NUS1: variants seen among roughly 807,000 people sequenced by gnomAD.
NUS1 encodes the protein dehydrodolichyl diphosphate synthase complex subunit NUS1.
For missense variants in NUS1, 292 were observed against 382.9 expected, an observed-to-expected ratio of 0.76 and a Z score of 1.98; for synonymous variants, 135 against 155.2, an observed-to-expected ratio of 0.87 and a Z score of 0.97.
At chr6:117,703,570 C>A in intron 3 of NUS1, 35 bp from the exon 4 acceptor site, 1 of 1,386,136 alleles carries the variant, frequency 7.2e-7, no homozygotes. Flanking sequence ...ACATGCAGTG[C>A]ATGTTAAGTT....
At chr6:117,685,195 GA>G (rs1231037372) in intron 1 of NUS1, among the ~76,000 whole-genome samples, 1 of 152,150 alleles carries the variant, frequency 6.6e-6, no homozygotes, top group Non-Finnish European at 1.5e-5. Flanking sequence ...TAGTCTTTCT[GA>G]GGTATAACTT....
chr6:117,687,021 T>C (rs1334829092), intron 1 of NUS1, among the ~76,000 whole-genome samples: 1 of 152,176 alleles, frequency 6.6e-6, no homozygotes, highest in African/African-American at 2.4e-5. Context: ...TAGTGTCTTA[T>C]CTACACTCTT....
chr6:117,705,698 G>C (rs551085102), intron 4 of NUS1, among the ~76,000 whole-genome samples: 1 of 152,148 alleles, frequency 6.6e-6, no homozygotes. Flanking sequence ...AGGAGTAGTG[G>C]CACTATATTG....
chr6:117,694,116 G>T lies in NUS1; in HGVS notation c.627G>T (p.Gln209His), dbSNP rs1279878128. 1.2e-6 allele frequency: 2 copies of T among 1,612,626 alleles called. No homozygotes were observed. The highest frequency in any genetic ancestry group is 2.7e-5 in the African/African-American group (2 of 74,886). ...DIVRAAQDFCQLVAQKQKRPT... is the reference protein window; with the variant it reads ...DIVRAAQDFCHLVAQKQKRPT... ...TAAGAGCTGCTCAGGACTTTTGCCA[G>T]TTAGTAGCCCAGAAGCAAAAGAGAC... The change falls in exon 3 of 5, where the codon CAG becomes CAT. Residue 209 changes from glutamine to histidine, a missense_variant. Gln to His is a conservative substitution (Grantham distance 24). Coordinates refer to ENST00000368494, the MANE Select transcript of NUS1 (RefSeq NM_138459.5).
rs1307827730 is a variant in NUS1 at position 117,680,651 on chromosome 6, GA to G, written c.415+4568del. On this transcript the variant is annotated intron_variant, in intron 1 of 4. Transcript: ENST00000368494. ...TACCTGTATGATACTTCTGCACACT[GA>G]AGTTTAACCCTAACACAGATCAAAG... Among the ~76,000 whole-genome samples, 6 of 152,316 alleles carry G rather than the reference GA, an allele frequency of 3.9e-5. No individual in the cohort carries two copies. In the South Asian group the frequency reaches 1.2e-3, roughly 32 times the overall value.
intron 1 of NUS1, among the ~76,000 whole-genome samples, chr6:117,680,788 C>CCAGA (rs1480951287): frequency 6.6e-6 from 1 of 152,130 alleles, no homozygotes; most frequent in Non-Finnish European, 1.5e-5. Context: ...TTGGAATGAT[C>CCAGA]CAGAATAAGG....
intron 3 of NUS1, among the ~76,000 whole-genome samples, chr6:117,695,540 G>A (rs1439161980): frequency 6.6e-6 from 1 of 152,218 alleles, no homozygotes; most frequent in Non-Finnish European, 1.5e-5. Flanking sequence ...GAGATCCAAA[G>A]ATGACCTTCA....
intron 3 of NUS1, among the ~76,000 whole-genome samples, chr6:117,700,112 C>T (rs1773385541): frequency 6.6e-6 from 1 of 152,104 alleles, no homozygotes; most frequent in Admixed American, 6.6e-5. Flanking sequence ...ACCCTACAAG[C>T]ACAGGCAACC....
intron 1 of NUS1, among the ~76,000 whole-genome samples, chr6:117,689,706 C>T (rs979261546): frequency 2.0e-5 from 3 of 152,022 alleles, no homozygotes; most frequent in East Asian, 1.9e-4. Flanking sequence ...GGACTAAGAG[C>T]GTGTGCCACC....
chr6:117,676,169 G>C, intron 1 of NUS1, 84 bp downstream of exon 1: 1 of 1,538,392 alleles, frequency 6.5e-7, no homozygotes, highest in Non-Finnish European at 8.8e-7. Context: ...CCCATGGCAC[G>C]AGTTGCCGCG....
intron 1 of NUS1, among the ~76,000 whole-genome samples, chr6:117,687,100 C>T (rs76907810): frequency 0.11 from 16,929 of 152,086 alleles, 1,615 homozygotes; most frequent in African/African-American, 0.26. Flanking sequence ...AGATTCTGTT[C>T]CAATAACTGT....
Position 117,710,613 on chromosome 6 carries a change from G to T in NUS1, c.*3598G>T, listed in dbSNP as rs1773561695. ...TTCTACTGTAACAAGTTAATAAAGA[G>T]ATTTTTTAAAAAACTATAAACTAGA... On this transcript the variant is annotated 3_prime_UTR_variant, in exon 5 of 5. Transcript: ENST00000368494. 6.6e-6 allele frequency: 1 copy of T among 151,820 alleles called. No homozygotes were observed. Among genetic ancestry groups the T allele is most frequent in the Non-Finnish European group, 1.5e-5 (1 of 67,918 alleles). The allele number at this position is 151,820 out of a possible 1,614,324, so 9.4% of individuals were successfully genotyped here.
In NUS1 at chr6:117,693,318, G is replaced by A. The variant is rs148169678; in HGVS notation, c.541+151G>A. The A allele has an allele frequency of 1.4e-4, 136 of 963,334 alleles. No individual in the cohort carries two copies. In the African/African-American group the frequency reaches 1.7e-3, roughly 12 times the overall value. The allele number at this position is 963,334 out of a possible 1,614,324, so 59.7% of individuals were successfully genotyped here. ...TTAATCATCAGATTTAGACTTTCTC[G>A]TCTTAATCTTGGTAAAAAGTGAACA... On this transcript the variant is annotated intron_variant, in intron 2 of 4. Coordinates refer to ENST00000368494, the MANE Select transcript of NUS1 (RefSeq NM_138459.5).
At position 117,706,944 on chromosome 6, in the gene NUS1, A is replaced by G; in HGVS notation, c.811A>G (p.Asn271Asp). 1 of 1,612,438 alleles carries G rather than the reference A, an allele frequency of 6.2e-7. No individual in the cohort carries two copies. The highest frequency in any genetic ancestry group is 8.5e-7 in the Non-Finnish European group (1 of 1,178,828). The part of the protein sequence containing the change: ...TEIVSLPSHL[N>D]ISYEDFFSAL... ...TTTCAGCTCTTTGCCTTCCCACCTA[A>G]ACATCAGTTATGAGGACTTTTTCTC... Residue 271 changes from asparagine to aspartate, a missense_variant, in exon 5 of 5, where the codon AAC (asparagine) becomes GAC (aspartate). By Grantham distance (23) the Asn-to-Asp change is conservative (BLOSUM62 1). Transcript: ENST00000368494.
At chr6:117,698,157 G>A (rs1250383462) in intron 3 of NUS1, among the ~76,000 whole-genome samples, 3 of 152,030 alleles carry the variant, frequency 2.0e-5, no homozygotes, top group African/African-American at 7.2e-5. Context: ...CAGCAAAGCA[G>A]TACTAACAGG....
chr6:117,692,933 G>T, intron 1 of NUS1, 109 bp from the exon 2 acceptor site: 2 of 881,340 alleles, frequency 2.3e-6, no homozygotes, highest in Non-Finnish European at 3.5e-6. Flanking sequence ...TTACAGCTTT[G>T]TTTGACATTC....
intron 3 of NUS1, among the ~76,000 whole-genome samples, chr6:117,695,374 C>G (rs1029738664): frequency 1.6e-4 from 24 of 152,114 alleles, no homozygotes; most frequent in Non-Finnish European, 2.9e-5. Context: ...TGCTTCTTAC[C>G]CTACCCTGTC....
chr6:117,695,175 C>T (rs1158899909), intron 3 of NUS1, among the ~76,000 whole-genome samples: 1 of 108,860 alleles, frequency 9.2e-6, no homozygotes, highest in Non-Finnish European at 1.7e-5. Context: ...GCCTGGGTGA[C>T]GGAGTGAGAC....
At chr6:117,700,235 T>G (rs1163907659) in intron 3 of NUS1, among the ~76,000 whole-genome samples, 2 of 152,164 alleles carry the variant, frequency 1.3e-5, no homozygotes, top group Non-Finnish European at 2.9e-5. Flanking sequence ...ATTTGCAAAC[T>G]ACTCATCTGA....
Sources: gnomAD v4.1 joint callset for allele counts (sites outside exome capture counted in the v4.1 genomes callset) on GRCh38, gnomAD v4.1.1 for gene constraint, MANE v1.5 for transcripts, NCBI Gene and HGNC (gene_info 2026-07-23, HGNC 2026-07-21) for gene names.